Variants in PJA2 observed in about 807,000 individuals in gnomAD.
PJA2 encodes praja ring finger ubiquitin ligase 2, also known as E3 ubiquitin-protein ligase Praja-2.
In PJA2, 25 loss-of-function variants were observed where a neutral mutation model predicts 69.3. The observed-to-expected ratio is 0.36, with a 90% confidence interval of 0.26 to 0.50. PJA2 has a LOEUF of 0.50. Among genes scored for constraint, PJA2 ranks in the 20% least tolerant of loss-of-function variants. PJA2 has a pLI of 0.96. For missense variants in PJA2, 809 were observed against 830.2 expected, an observed-to-expected ratio of 0.97 and a Z score of 0.31; for synonymous variants, 308 against 277.8, an observed-to-expected ratio of 1.11 and a Z score of -1.08.
Position 109,400,094 on chromosome 5 carries a change from A to C in PJA2, c.-88+9748T>G, listed in dbSNP as rs186316266. Among the ~76,000 whole-genome samples the C allele has an allele frequency of 1.9e-4, 29 of 152,154 alleles. No individual in the cohort carries two copies. In the East Asian group the frequency reaches 5.2e-3, roughly 27 times the overall value. The stretch of plus-strand genomic sequence containing the variant: ...CACTTTAGGTCAGGAGTTCAAGATC[A>C]GCCTGACCAACATAGTGATACCCGT... On this transcript the variant is annotated intron_variant, in intron 1 of 9. Coordinates refer to ENST00000361189, the MANE Select transcript of PJA2 (RefSeq NM_014819.5).
intron 6 of PJA2, 50 bp downstream of exon 6, chr5:109,362,790 T>C: frequency 7.5e-6 from 11 of 1,466,440 alleles, no homozygotes; most frequent in Non-Finnish European, 1.0e-5. Context: ...TAAATTAGAA[T>C]CATGAACTCA....
intron 4 of PJA2, among the ~76,000 whole-genome samples, chr5:109,370,433 T>G (rs1762658257): frequency 1.3e-5 from 2 of 152,206 alleles, no homozygotes; most frequent in Admixed American, 1.3e-4. Context: ...AGCACTAATC[T>G]AAGCTCTGAG....
At chr5:109,344,945 C>A in intron 7 of PJA2, 126 bp from the exon 8 acceptor site, 2 of 590,424 alleles carry the variant, frequency 3.4e-6, no homozygotes, top group East Asian at 5.9e-5. Flanking sequence ...TTGCTTTAGT[C>A]CTTTGCTCCT....
At chr5:109,400,788 G>A (rs924789465) in intron 1 of PJA2, among the ~76,000 whole-genome samples, 1 of 151,820 alleles carries the variant, frequency 6.6e-6, no homozygotes, top group African/African-American at 2.4e-5. Flanking sequence ...GACCATCCTG[G>A]CTAACATGGT....
intron 7 of PJA2, among the ~76,000 whole-genome samples, chr5:109,350,301 AC>A (rs1762229434): frequency 6.6e-6 from 1 of 152,056 alleles, no homozygotes; most frequent in South Asian, 2.1e-4. Flanking sequence ...AAAAAAAAAA[AC>A]TATCTATACC....
intron 9 of PJA2, 64 bp from the exon 10 acceptor site, chr5:109,337,420 T>TAA: frequency 6.8e-6 from 10 of 1,469,882 alleles, no homozygotes; most frequent in African/African-American, 3.0e-5. Flanking sequence ...AGTAACTTAA[T>TAA]AAAGAAAAAA....
intron 1 of PJA2, among the ~76,000 whole-genome samples, chr5:109,406,976 AAAATGATACC>A (rs1241240033): frequency 6.6e-6 from 1 of 152,226 alleles, no homozygotes; most frequent in East Asian, 1.9e-4. Flanking sequence ...AATTCTAGAC[AAAATGATACC>A]AATTTATAGC....
At chr5:109,395,308 A>T (rs779682945) in intron 1 of PJA2, among the ~76,000 whole-genome samples, 1 of 152,072 alleles carries the variant, frequency 6.6e-6, no homozygotes, top group African/African-American at 2.4e-5. Context: ...GAAGGTGGAT[A>T]GTTTGAGCCC....
At chr5:109,361,148 T>C (rs886460482) in intron 6 of PJA2, among the ~76,000 whole-genome samples, 9 of 152,092 alleles carry the variant, frequency 5.9e-5, no homozygotes, top group Admixed American at 2.6e-4. Context: ...ACAAATTATA[T>C]TCAGTAAAGA....
chr5:109,342,274 T>A, intron 9 of PJA2, among the ~76,000 whole-genome samples: 1 of 75,560 alleles, frequency 1.3e-5, no homozygotes, highest in Non-Finnish European at 2.6e-5. Flanking sequence ...CCGCCCCTAC[T>A]GGGAAGTGAG....
At chr5:109,337,416 T>TTTA (rs1761967203) in intron 9 of PJA2, 60 bp from the exon 10 acceptor site, 1 of 1,502,130 alleles carries the variant, frequency 6.7e-7, no homozygotes, top group South Asian at 1.3e-5. Context: ...CACAAGTAAC[T>TTTA]TAATAAAGAA....
intron 1 of PJA2, among the ~76,000 whole-genome samples, chr5:109,393,172 T>C (rs1229201515): frequency 2.0e-5 from 3 of 151,996 alleles, no homozygotes; most frequent in Non-Finnish European, 2.9e-5. Flanking sequence ...CCAAAAGAAA[T>C]GTGATAACCT....
chr5:109,393,657 A>C (rs950284393), intron 1 of PJA2, among the ~76,000 whole-genome samples: 3 of 151,356 alleles, frequency 2.0e-5, no homozygotes, highest in Non-Finnish European at 4.4e-5. Context: ...AAATTAAAAA[A>C]AATGTTCATA....
chr5:109,375,231 C>T (rs1465628072), intron 4 of PJA2, among the ~76,000 whole-genome samples: 1 of 151,972 alleles, frequency 6.6e-6, no homozygotes, highest in Non-Finnish European at 1.5e-5. Flanking sequence ...AAATGCTGGC[C>T]GGGTGCAGTG....
intron 4 of PJA2, among the ~76,000 whole-genome samples, chr5:109,375,915 A>G (rs1207217048): frequency 6.6e-6 from 1 of 152,206 alleles, no homozygotes; most frequent in Non-Finnish European, 1.5e-5. Context: ...AACAGGACAC[A>G]GCAGCATAGA....
At chr5:109,385,910 G>C (rs1747145740) in intron 1 of PJA2, among the ~76,000 whole-genome samples, 1 of 152,134 alleles carries the variant, frequency 6.6e-6, no homozygotes, top group African/African-American at 2.4e-5. Flanking sequence ...CACACAGTCT[G>C]AAAGTAATTT....
intron 1 of PJA2, among the ~76,000 whole-genome samples, chr5:109,394,039 CT>C (rs75679188): frequency 5.9e-3 from 487 of 81,852 alleles, no homozygotes; most frequent in Admixed American, 6.9e-3. Context: ...TTCTAATTCT[CT>C]TTTTTTTTTT....
chr5:109,379,449 T>C (rs1214405965), intron 3 of PJA2, among the ~76,000 whole-genome samples, 195 bp from the exon 4 acceptor site: 2 of 152,224 alleles, frequency 1.3e-5, no homozygotes, highest in Non-Finnish European at 2.9e-5. Context: ...TATGTCAATG[T>C]ACAGCCTTTC....
chr5:109,372,697 G>A (rs1383003744), intron 4 of PJA2, among the ~76,000 whole-genome samples: 3 of 151,818 alleles, frequency 2.0e-5, no homozygotes, highest in African/African-American at 7.3e-5. Flanking sequence ...CCTGAGGTCG[G>A]GAGCTCGAGA....
Sources: gnomAD v4.1 joint callset for allele counts (sites outside exome capture counted in the v4.1 genomes callset) on GRCh38, gnomAD v4.1.1 for gene constraint, MANE v1.5 for transcripts, NCBI Gene and HGNC (gene_info 2026-07-23, HGNC 2026-07-21) for gene names.